GRIK4: variants seen among roughly 807,000 people sequenced by gnomAD.
GRIK4 encodes the protein glutamate ionotropic receptor kainate type subunit 4.
Under a neutral mutation model 104.9 loss-of-function variants are expected in GRIK4, and 40 were observed. The observed-to-expected ratio is 0.38, with a 90% confidence interval of 0.30 to 0.50. The LOEUF (loss-of-function observed/expected upper bound fraction) is 0.50. Among genes scored for constraint, GRIK4 ranks in the 20% least tolerant of loss-of-function variants. The pLI, the probability that GRIK4 is intolerant of heterozygous loss-of-function variation, is 0.93. For synonymous variants in GRIK4, 485 were observed against 524.9 expected (o/e 0.92, Z 1.04); for missense variants, 1,047 against 1,308.1 (o/e 0.80, Z 3.08).
At chr11:120,761,954 A>G (rs1475678654) in intron 3 of GRIK4, among the ~76,000 whole-genome samples, 1 of 152,054 alleles carries the variant, frequency 6.6e-6, no homozygotes, top group Non-Finnish European at 1.5e-5. Flanking sequence ...TTTCATATTA[A>G]ATTTAAAGTA....
chr11:120,640,506 A>G (rs1949456646), intron 1 of GRIK4, among the ~76,000 whole-genome samples: 1 of 152,148 alleles, frequency 6.6e-6, no homozygotes, highest in Non-Finnish European at 1.5e-5. Flanking sequence ...TTTGAATTTC[A>G]TGGGTTCTAT....
intron 1 of GRIK4, 35 bp from the exon 2 acceptor site, chr11:120,653,650 A>G (rs1949652775): frequency 6.6e-6 from 1 of 152,182 alleles, no homozygotes; most frequent in African/African-American, 2.4e-5. Context: ...GTGTTTCCAC[A>G]TATGTTCTCT....
At chr11:120,861,377 G>A (rs1169887244) in intron 8 of GRIK4, among the ~76,000 whole-genome samples, 1 of 151,942 alleles carries the variant, frequency 6.6e-6, no homozygotes, top group Non-Finnish European at 1.5e-5. Context: ...CAAAGTGCTG[G>A]GATTATGAGC....
intron 13 of GRIK4, among the ~76,000 whole-genome samples, chr11:120,922,618 T>C (rs1459568138): frequency 6.6e-6 from 1 of 152,230 alleles, no homozygotes; most frequent in Non-Finnish European, 1.5e-5. Flanking sequence ...CCAGAGTCAT[T>C]ATATGCTCTG....
intron 17 of GRIK4, among the ~76,000 whole-genome samples, chr11:120,961,899 T>C (rs1944293040): frequency 6.6e-6 from 1 of 152,248 alleles, no homozygotes; most frequent in Admixed American, 6.5e-5. Context: ...GAAGTCATCA[T>C]GCAAACACAG....
chr11:120,862,223 T>C (rs1954284153), intron 9 of GRIK4, 103 bp downstream of exon 9: 6 of 971,984 alleles, frequency 6.2e-6, no homozygotes, highest in African/African-American at 4.9e-5. Flanking sequence ...TCCAGCCGTC[T>C]CCTGCTCCAG....
At chr11:120,740,969 C>T (rs867010080) in intron 3 of GRIK4, among the ~76,000 whole-genome samples, 1 of 152,090 alleles carries the variant, frequency 6.6e-6, no homozygotes, top group African/African-American at 2.4e-5. Flanking sequence ...TGGGGTCTTC[C>T]GGCTGGACCA....
intron 12 of GRIK4, among the ~76,000 whole-genome samples, chr11:120,904,950 A>T (rs1330403886): frequency 6.6e-6 from 1 of 152,134 alleles, no homozygotes; most frequent in Non-Finnish European, 1.5e-5. Context: ...ATGCCCAGCC[A>T]TTGGTCTGCC....
rs112860422 is a variant in GRIK4 at position 120,904,337 on chromosome 11, C to T, written c.1273-953C>T. 4.8e-3 allele frequency among the ~76,000 whole-genome samples: 726 copies of T among 152,280 alleles called. 5 individuals are homozygous for T. The highest frequency in any genetic ancestry group is 0.017 in the African/African-American group (695 of 41,554). On this transcript the variant is annotated intron_variant, in intron 12 of 20. Coordinates refer to ENST00000527524, the MANE Select transcript of GRIK4 (RefSeq NM_014619.5). Reference sequence around the variant, plus strand: ...ACACCACCCTCTGTTAGTCATCCACCGGGCTCCAAGGCTCTGAGGACCCAC... The same window carrying T: ...ACACCACCCTCTGTTAGTCATCCACTGGGCTCCAAGGCTCTGAGGACCCAC...
intron 13 of GRIK4, among the ~76,000 whole-genome samples, chr11:120,921,446 C>T (rs1943226110): frequency 1.3e-5 from 2 of 152,200 alleles, no homozygotes; most frequent in South Asian, 2.1e-4. Flanking sequence ...AACAAAGAGC[C>T]CAATGCTGGG....
At chr11:120,566,673 A>T (rs1264143173) in intron 1 of GRIK4, among the ~76,000 whole-genome samples, 1 of 151,534 alleles carries the variant, frequency 6.6e-6, no homozygotes, top group African/African-American at 2.4e-5. Flanking sequence ...CTAGGGACAT[A>T]TCACAAGATT....
At chr11:120,723,256 G>A (rs1335279042) in intron 3 of GRIK4, among the ~76,000 whole-genome samples, 2 of 152,174 alleles carry the variant, frequency 1.3e-5, no homozygotes, top group Non-Finnish European at 2.9e-5. Flanking sequence ...GTTAATATAA[G>A]TGTGTGTTCT....
At chr11:120,561,243 T>G (rs1948234434) in intron 1 of GRIK4, among the ~76,000 whole-genome samples, 3 of 150,192 alleles carry the variant, frequency 2.0e-5, no homozygotes, top group Admixed American at 6.6e-5. Context: ...CAGGGGAGGG[T>G]GGGTTGCTGC....
intron 4 of GRIK4, among the ~76,000 whole-genome samples, chr11:120,803,263 TGTG>T (rs779002353): frequency 2.0e-5 from 3 of 152,188 alleles, no homozygotes; most frequent in Non-Finnish European, 2.9e-5. Flanking sequence ...AGGGCGCTGT[TGTG>T]GGAGAAACTG....
intron 3 of GRIK4, among the ~76,000 whole-genome samples, chr11:120,802,483 T>G (rs1280370538): frequency 1.3e-5 from 2 of 152,102 alleles, no homozygotes; most frequent in Non-Finnish European, 2.9e-5. Flanking sequence ...TGCATCCACA[T>G]TAGAATTCAC....
In GRIK4 at chr11:120,967,270, G is replaced by A. The variant is rs367731778; in HGVS notation, c.2342G>A (p.Arg781His). ...AACAACCGCCTGGAGATCCTGAAGC[G>A]CAAATGGTGGGAAGGAGGGAAGTGC... ...QENNRLEILK[R>H]KWWEGGKCPK... The change falls in exon 19 of 21, where the codon CGC becomes CAC. Residue 781 changes from arginine (R) to histidine (H), a missense_variant. By Grantham distance (29) the Arg-to-His change is conservative. This residue lies in a region of GRIK4 where 440 missense variants were observed against 652.3 expected (regional missense o/e 0.67). Coordinates refer to ENST00000527524, the MANE Select transcript of GRIK4 (RefSeq NM_014619.5). This position sits in a 1 kb window ranked among gnomAD's most constrained non-coding sequence, Gnocchi z 4.2. The A allele has an allele frequency of 1.7e-5, 27 of 1,613,746 alleles. No homozygotes were observed. The highest frequency in any genetic ancestry group is 2.7e-5 in the African/African-American group (2 of 74,918).
At chr11:120,548,414 T>C (rs1212626784) in intron 1 of GRIK4, among the ~76,000 whole-genome samples, 2 of 151,812 alleles carry the variant, frequency 1.3e-5, no homozygotes, top group South Asian at 2.1e-4. Context: ...GCAGAGGGGA[T>C]GGCCCCAGCA....
intron 1 of GRIK4, among the ~76,000 whole-genome samples, chr11:120,648,892 A>T (rs529218578): frequency 1.3e-5 from 2 of 152,352 alleles, no homozygotes; most frequent in Non-Finnish European, 2.9e-5. Context: ...ACACTTGAGA[A>T]TGAAAAGCAA....
intron 1 of GRIK4, among the ~76,000 whole-genome samples, chr11:120,640,056 G>T (rs185125283): frequency 2.6e-5 from 4 of 152,100 alleles, no homozygotes; most frequent in African/African-American, 7.2e-5. Flanking sequence ...TGCCAGAAAG[G>T]GGTCTTGATC....
Sources: gnomAD v4.1 joint callset for allele counts (sites outside exome capture counted in the v4.1 genomes callset) on GRCh38, gnomAD v4.1.1 for gene constraint, gnomAD v4.1.1 regional missense constraint, Gnocchi (gnomAD v3.1) non-coding constraint, MANE v1.5 for transcripts, NCBI Gene and HGNC (gene_info 2026-07-23, HGNC 2026-07-21) for gene names.